The following RAPGEF4 variants were observed in gnomAD, a reference collection of about 807,000 sequenced individuals.
RAPGEF4 encodes the protein Rap guanine nucleotide exchange factor 4.
RAPGEF4 carries 66 observed loss-of-function variants against 147.9 expected under a neutral mutation model. That is an observed-to-expected ratio of 0.45 (90% CI 0.37 to 0.55). The LOEUF (loss-of-function observed/expected upper bound fraction) is 0.55, where lower values mean the gene tolerates loss of function less well. Among genes scored for constraint, RAPGEF4 ranks in the 20% least tolerant of loss-of-function variants. The pLI, the probability that RAPGEF4 is intolerant of heterozygous loss-of-function variation, is 0.00. For missense variants in RAPGEF4, 1,071 were observed against 1,257.3 expected (o/e 0.85, Z 2.24); for synonymous variants, 419 against 442.7 (o/e 0.95, Z 0.67).
intron 10 of RAPGEF4, among the ~76,000 whole-genome samples, chr2:172,973,946 A>C (rs1690789060): frequency 6.6e-6 from 1 of 152,210 alleles, no homozygotes; most frequent in East Asian, 1.9e-4. Context: ...ATCATCTAAC[A>C]TCTTCAGATT....
intron 6 of RAPGEF4, among the ~76,000 whole-genome samples, chr2:172,958,483 T>C (rs1488775048): frequency 6.6e-6 from 1 of 152,218 alleles, no homozygotes; most frequent in Non-Finnish European, 1.5e-5. Context: ...TATCAAAGAA[T>C]TCTTGTCTTC....
intron 1 of RAPGEF4, among the ~76,000 whole-genome samples, chr2:172,754,766 G>A (rs1415764758): frequency 6.6e-6 from 1 of 152,200 alleles, no homozygotes; most frequent in Non-Finnish European, 1.5e-5. Flanking sequence ...CCTCAGGCCA[G>A]GCACGGTGGC....
At position 172,776,279 on chromosome 2, in the gene RAPGEF4, A is replaced by G. The variant is rs572161774; in HGVS notation, c.66-18746A>G. The stretch of plus-strand genomic sequence containing the variant: ...GCTTGATAGTGGTAGTGCTAAACAC[A>G]AGACAAATAGTATCACTTCCATCAC... On this transcript the variant is annotated intron_variant, in intron 1 of 30. Coordinates refer to ENST00000397081, the MANE Select transcript of RAPGEF4 (RefSeq NM_007023.4). 1.6e-3 allele frequency among the ~76,000 whole-genome samples: 248 copies of G among 152,300 alleles called. 1 individual carries two copies. Among genetic ancestry groups the G allele is most frequent in the African/African-American group, 5.7e-3 (238 of 41,584 alleles).
intron 4 of RAPGEF4, among the ~76,000 whole-genome samples, chr2:172,912,990 G>A (rs938909000): frequency 2.0e-5 from 3 of 151,182 alleles, no homozygotes; most frequent in African/African-American, 7.3e-5. Context: ...CCACCTCCCG[G>A]GTTCAAGCAA....
chr2:173,032,434 C>T (rs981610923), intron 26 of RAPGEF4, among the ~76,000 whole-genome samples: 1 of 152,108 alleles, frequency 6.6e-6, no homozygotes, highest in African/African-American at 2.4e-5. Context: ...TTACCCTGTG[C>T]CCTACTGTCT....
chr2:172,864,045 C>T (rs921512877), intron 4 of RAPGEF4, among the ~76,000 whole-genome samples: 4 of 152,186 alleles, frequency 2.6e-5, no homozygotes, highest in South Asian at 2.1e-4. Flanking sequence ...GGTTGTGACT[C>T]TTTTAAAATT....
intron 1 of RAPGEF4, among the ~76,000 whole-genome samples, chr2:172,775,445 T>C (rs947761330): frequency 6.6e-6 from 1 of 152,226 alleles, no homozygotes; most frequent in African/African-American, 2.4e-5. Flanking sequence ...GACTGTCAAA[T>C]TGAATCTTCA....
At chr2:172,825,646 C>T (rs1043543900) in intron 4 of RAPGEF4, among the ~76,000 whole-genome samples, 10 of 152,186 alleles carry the variant, frequency 6.6e-5, no homozygotes, top group African/African-American at 2.4e-4. Context: ...GACATTAACC[C>T]TCTTAGAATT....
intron 29 of RAPGEF4, among the ~76,000 whole-genome samples, chr2:173,046,727 G>T (rs2106080942): frequency 6.6e-6 from 1 of 152,272 alleles, no homozygotes; most frequent in Non-Finnish European, 1.5e-5. Flanking sequence ...TTCTCATGCT[G>T]ATCAACAGAT....
chr2:172,889,742 A>C, intron 4 of RAPGEF4: 1 of 739,418 alleles, frequency 1.4e-6, no homozygotes, highest in East Asian at 1.3e-4. Context: ...TTACTTTCAA[A>C]TGTCAATCAG....
At chr2:172,828,280 A>G (rs1037670236) in intron 4 of RAPGEF4, among the ~76,000 whole-genome samples, 3 of 152,152 alleles carry the variant, frequency 2.0e-5, no homozygotes, top group African/African-American at 4.8e-5. Context: ...TCGCATTCGT[A>G]AGGCCGACAG....
At chr2:172,876,840 G>A (rs1379046228) in intron 4 of RAPGEF4, among the ~76,000 whole-genome samples, 2 of 152,044 alleles carry the variant, frequency 1.3e-5, no homozygotes, top group African/African-American at 4.8e-5. Context: ...GCTCCTCCTT[G>A]TATGGTAGAA....
At chr2:172,772,111 C>T (rs1453869798) in intron 1 of RAPGEF4, among the ~76,000 whole-genome samples, 5 of 151,732 alleles carry the variant, frequency 3.3e-5, no homozygotes, top group African/African-American at 4.8e-5. Flanking sequence ...TGGTGGCATA[C>T]GCCTGTAGTC....
intron 3 of RAPGEF4, among the ~76,000 whole-genome samples, chr2:172,806,467 T>C (rs1035474614): frequency 1.3e-5 from 2 of 152,234 alleles, no homozygotes; most frequent in Non-Finnish European, 2.9e-5. Flanking sequence ...ATAATAGCTC[T>C]TATCTTAAAT....
At chr2:172,907,265 C>CA (rs1699721436) in intron 4 of RAPGEF4, among the ~76,000 whole-genome samples, 2 of 152,214 alleles carry the variant, frequency 1.3e-5, no homozygotes, top group Non-Finnish European at 2.9e-5. Context: ...ATTTGCAACT[C>CA]AATCTGGGGA....
intron 29 of RAPGEF4, among the ~76,000 whole-genome samples, chr2:173,039,350 A>G (rs1489079497): frequency 6.6e-6 from 1 of 151,892 alleles, no homozygotes; most frequent in South Asian, 2.1e-4. Context: ...CTGTAGTCCC[A>G]GCTACTCGGG....
At chr2:172,762,533 C>A (rs1696444225) in intron 1 of RAPGEF4, among the ~76,000 whole-genome samples, 1 of 152,152 alleles carries the variant, frequency 6.6e-6, no homozygotes, top group Non-Finnish European at 1.5e-5. Flanking sequence ...TTTTTTGGAA[C>A]CCCAAAGGCT....
At chr2:172,869,299 CTTAG>C (rs529942180) in intron 4 of RAPGEF4, among the ~76,000 whole-genome samples, 1 of 152,104 alleles carries the variant, frequency 6.6e-6, no homozygotes, top group East Asian at 1.9e-4. Flanking sequence ...TTGATAAATT[CTTAG>C]TTATTGTGTT....
At chr2:172,851,915 A>G (rs1692877889) in intron 4 of RAPGEF4, among the ~76,000 whole-genome samples, 1 of 152,190 alleles carries the variant, frequency 6.6e-6, no homozygotes, top group Non-Finnish European at 1.5e-5. Flanking sequence ...CTTGCAATTT[A>G]TCTATAGAAC....
Sources: allele counts gnomAD v4.1 joint callset (sites outside exome capture counted in the v4.1 genomes callset), GRCh38; gene constraint gnomAD v4.1.1; transcripts MANE v1.5; gene names NCBI Gene and HGNC (gene_info 2026-07-23, HGNC 2026-07-21).